Variants in ARFGEF2 observed in about 807,000 individuals in gnomAD.
The protein encoded by ARFGEF2 is brefeldin A-inhibited guanine nucleotide-exchange protein 2.
In ARFGEF2, 74 loss-of-function variants were observed where a neutral mutation model predicts 219.9. The ratio of observed to expected loss-of-function variants is 0.34; its 90% CI spans 0.28 to 0.41. The LOEUF is 0.41. Ranked by LOEUF, ARFGEF2 falls within the 10% of genes least tolerant of loss-of-function variation. The pLI is 1.00. For synonymous variants in ARFGEF2, 733 were observed against 799.2 expected, an observed-to-expected ratio of 0.92 and a Z score of 1.40; for missense variants, 1,743 against 2,218.3, an observed-to-expected ratio of 0.79 and a Z score of 4.30.
intron 25 of ARFGEF2, 113 bp downstream of exon 25, chr20:48,998,618 C>A: frequency 9.2e-7 from 1 of 1,081,832 alleles, no homozygotes; most frequent in Non-Finnish European, 1.4e-6. Flanking sequence ...GCCTCTAATT[C>A]ATTTTCCCTG....
At chr20:48,944,203 T>C (rs1298383784) in intron 3 of ARFGEF2, among the ~76,000 whole-genome samples, 3 of 152,218 alleles carry the variant, frequency 2.0e-5, no homozygotes, top group Non-Finnish European at 4.4e-5. Context: ...ACTTCTATCC[T>C]AAAATATTTT....
intron 3 of ARFGEF2, among the ~76,000 whole-genome samples, chr20:48,944,873 A>G (rs2091016578): frequency 6.6e-6 from 1 of 152,134 alleles, no homozygotes; most frequent in South Asian, 2.1e-4. Context: ...ATAAAGTTTT[A>G]TTGGAACACA....
At chr20:48,963,929 C>G in intron 7 of ARFGEF2, 31 bp downstream of exon 7, 3 of 1,606,648 alleles carry the variant, frequency 1.9e-6, no homozygotes, top group Non-Finnish European at 2.6e-6. Context: ...AGCCTTTCCT[C>G]TTCCCTCATT....
At chr20:48,922,962 A>G (rs183784369) in intron 1 of ARFGEF2, among the ~76,000 whole-genome samples, 9 of 152,368 alleles carry the variant, frequency 5.9e-5, no homozygotes, top group East Asian at 5.8e-4. Flanking sequence ...GATAAATACT[A>G]TTTTGAAAAT....
At chr20:49,013,393 T>C (rs2091512546) in intron 28 of ARFGEF2, among the ~76,000 whole-genome samples, 171 bp from the exon 29 acceptor site, 3 of 152,134 alleles carry the variant, frequency 2.0e-5, no homozygotes, top group East Asian at 3.9e-4. Flanking sequence ...ACTGCTCATA[T>C]GCCCTTTGGG....
chr20:48,952,060 T>G (rs1395116636), intron 4 of ARFGEF2, among the ~76,000 whole-genome samples: 1 of 152,036 alleles, frequency 6.6e-6, no homozygotes. Context: ...CTGGGTGAGA[T>G]CACGTTGGAG....
intron 34 of ARFGEF2, among the ~76,000 whole-genome samples, chr20:49,021,852 A>AAG (rs1433579487): frequency 6.7e-6 from 1 of 149,088 alleles, no homozygotes; most frequent in African/African-American, 2.5e-5. Flanking sequence ...CTCAAAAAAA[A>AAG]AAAAAAAAGA....
intron 1 of ARFGEF2, among the ~76,000 whole-genome samples, chr20:48,927,876 G>A (rs2090887979): frequency 6.6e-6 from 1 of 151,998 alleles, no homozygotes; most frequent in Non-Finnish European, 1.5e-5. Context: ...ACTTTTTGTT[G>A]AAAACCACTG....
rs916374824 is a variant in ARFGEF2, at chr20:49,010,316, G to A, written c.3669G>A (p.Lys1223=). The A allele has an allele frequency of 2.5e-6, 4 of 1,614,046 alleles. No homozygotes were observed. The African/African-American group carries it at 4.0e-5, about 16-fold the overall frequency. ...SQAANIRSGW[K]NIFAVFHQAA... ...CGGCCAACATCCGCTCAGGTTGGAA[G>A]AACATCTTTGCCGTGTTCCACCAGG... Residue 1223 remains lysine, a synonymous_variant, in exon 27 of 39, where the codon AAG becomes AAA. Transcript: ENST00000371917.
intron 1 of ARFGEF2, 79 bp downstream of exon 1, chr20:48,922,089 G>A: frequency 6.7e-7 from 1 of 1,493,638 alleles, no homozygotes; most frequent in Non-Finnish European, 9.0e-7. Context: ...GCCTTGGCCC[G>A]GCCTCCTGGC....
At chr20:48,974,930 C>A in intron 13 of ARFGEF2, 56 bp downstream of exon 13, 2 of 1,389,502 alleles carry the variant, frequency 1.4e-6, no homozygotes, top group African/African-American at 1.4e-5. Flanking sequence ...CCTACGACTG[C>A]TAGGAACAGT....
At chr20:48,969,357 T>A in intron 9 of ARFGEF2, 80 bp downstream of exon 9, 1 of 1,611,168 alleles carries the variant, frequency 6.2e-7, no homozygotes. Flanking sequence ...CTTCCCTTGT[T>A]CCAAGAAGTT....
At chr20:48,968,448 G>A (rs1419946720) in intron 8 of ARFGEF2, among the ~76,000 whole-genome samples, 1 of 151,102 alleles carries the variant, frequency 6.6e-6, no homozygotes, top group Non-Finnish European at 1.5e-5. Context: ...GGTCACCCAG[G>A]CTGGAGTGCA....
At chr20:48,945,884 A>T (rs939337378) in intron 3 of ARFGEF2, among the ~76,000 whole-genome samples, 2 of 152,068 alleles carry the variant, frequency 1.3e-5, no homozygotes, top group Non-Finnish European at 2.9e-5. Context: ...GGAAAAACAC[A>T]CAGAAAGGAA....
chr20:48,987,831 A>G (rs2091334873), intron 16 of ARFGEF2, among the ~76,000 whole-genome samples: 1 of 152,216 alleles, frequency 6.6e-6, no homozygotes, highest in South Asian at 2.1e-4. Context: ...TCTGTCACCC[A>G]GGCTGGAGTG....
chr20:48,953,719 C>T lies in ARFGEF2; in HGVS notation c.767C>T (p.Ala256Val), dbSNP rs1345624164. 1.2e-6 allele frequency: 2 copies of T among 1,614,132 alleles called. No homozygotes were observed. The highest frequency in any genetic ancestry group is 3.3e-5 in the Admixed American group (2 of 60,004). Residue 256 changes from alanine to valine, a missense_variant, in exon 6 of 39, where the codon GCC (alanine) becomes GTC (valine). This residue lies in a region of ARFGEF2 where 394 missense variants were observed against 426.6 expected (regional missense o/e 0.92). Transcript: ENST00000371917. ...EKTDLTNGEH[A>V]RSDSGKVSTE... is the part of the protein sequence containing the mutation. ...ACAGATTTAACCAACGGTGAACATG[C>T]CAGGAGTGATTCTGGAAAAGTAAGC...
chr20:49,010,533 G>A, intron 27 of ARFGEF2, 129 bp downstream of exon 27: 1 of 1,088,262 alleles, frequency 9.2e-7, no homozygotes, highest in Non-Finnish European at 1.4e-6. Context: ...AATGTGCCAG[G>A]CCGTGTTGTA....
intron 34 of ARFGEF2, among the ~76,000 whole-genome samples, chr20:49,021,408 C>A (rs1053319524): frequency 6.6e-6 from 1 of 152,154 alleles, no homozygotes; most frequent in Admixed American, 6.5e-5. Flanking sequence ...TCTACTGTTA[C>A]TGTAGACAAA....
intron 37 of ARFGEF2, among the ~76,000 whole-genome samples, chr20:49,030,359 T>A (rs1158828984): frequency 6.6e-6 from 1 of 151,508 alleles, no homozygotes; most frequent in East Asian, 1.9e-4. Context: ...AGGGTCTTGC[T>A]ATGTTGCCTA....
Sources: allele counts gnomAD v4.1 joint callset (sites outside exome capture counted in the v4.1 genomes callset), GRCh38; gene constraint gnomAD v4.1.1; regional missense constraint gnomAD v4.1.1; transcripts MANE v1.5; gene names NCBI Gene and HGNC (gene_info 2026-07-23, HGNC 2026-07-21).